WNT2B: variants seen among roughly 807,000 people sequenced by gnomAD.
WNT2B encodes the protein Wnt family member 2B, also known as protein Wnt-2b.
In WNT2B, 19 loss-of-function variants were observed where a neutral mutation model predicts 40.5. The ratio of observed to expected loss-of-function variants is 0.47; its 90% CI spans 0.33 to 0.69. The LOEUF (loss-of-function observed/expected upper bound fraction) is 0.69. Ranked by LOEUF, WNT2B falls within the 30% of genes least tolerant of loss-of-function variation. The pLI, the probability that WNT2B is intolerant of heterozygous loss-of-function variation, is 0.02. For synonymous variants in WNT2B, 220 were observed against 211.9 expected (o/e 1.04, Z -0.33); for missense variants, 467 against 556.4 (o/e 0.84, Z 1.62).
rs1264557939 is a variant in WNT2B at position 112,525,934 on chromosome 1, G to A, written c.*5425G>A. ...GTAATCCTCACAACAACCCTGTGAG[G>A]TAGGGGTTACTGTCACTTTACAGAT... On this transcript the variant is annotated 3_prime_UTR_variant, in exon 5 of 5. Coordinates refer to ENST00000369684, the MANE Select transcript of WNT2B (RefSeq NM_024494.3). 6.3e-7 allele frequency: 1 copy of A among 1,588,688 alleles called. No individual in the cohort carries two copies. Among genetic ancestry groups the A allele is most frequent in the African/African-American group, 1.3e-5 (1 of 74,386 alleles).
upstream of WNT2B, among the ~76,000 whole-genome samples, chr1:112,505,451 G>T (rs1362148610): frequency 6.6e-6 from 1 of 152,220 alleles, no homozygotes; most frequent in Non-Finnish European, 1.5e-5. Flanking sequence ...TCCATGCAGG[G>T]TTCTACAGAC....
At chr1:112,483,864 T>A (rs1651313746) in intron 1 of WNT2B, among the ~76,000 whole-genome samples, 1 of 146,594 alleles carries the variant, frequency 6.8e-6, no homozygotes, top group East Asian at 1.9e-4. Flanking sequence ...TGAATAGACA[T>A]TTCCCAAAAG....
intron 1 of WNT2B, among the ~76,000 whole-genome samples, chr1:112,468,240 T>C (rs150645251): frequency 1.3e-5 from 2 of 152,366 alleles, no homozygotes; most frequent in African/African-American, 2.4e-5. Flanking sequence ...ATCTTTGCTG[T>C]CATGAGTCGT....
chr1:112,492,415 T>G (rs1262016901), intron 1 of WNT2B, among the ~76,000 whole-genome samples: 1 of 152,120 alleles, frequency 6.6e-6, no homozygotes, highest in African/African-American at 2.4e-5. Context: ...GAGCTGTAAT[T>G]GATGAATTGC....
At chr1:112,477,676 G>A (rs10776751) in intron 1 of WNT2B, among the ~76,000 whole-genome samples, 17,085 of 152,074 alleles carry the variant, frequency 0.11, 1,585 homozygotes, top group East Asian at 0.46. Flanking sequence ...TCAAGAAAGA[G>A]ATAGAAATCA....
At chr1:112,508,680 G>T (rs1272008372), upstream of WNT2B, 1 of 981,452 alleles carries the variant, frequency 1.0e-6, no homozygotes, top group Non-Finnish European at 1.2e-6. The surrounding 1 kb of genome is among the most constrained non-coding windows in gnomAD (Gnocchi z 4.2). Context: ...AAGTGGGGCT[G>T]CTGAGTGAAG....
At chr1:112,479,718 T>C (rs947031548) in intron 1 of WNT2B, among the ~76,000 whole-genome samples, 1 of 152,064 alleles carries the variant, frequency 6.6e-6, no homozygotes, top group Non-Finnish European at 1.5e-5. Flanking sequence ...TTGTTGTTGT[T>C]GTTTTATTTT....
chr1:112,508,712 G>C (rs1365948043), upstream of WNT2B: 1 of 985,658 alleles, frequency 1.0e-6, no homozygotes, highest in Non-Finnish European at 1.2e-6. This position sits in a 1 kb window ranked among gnomAD's most constrained non-coding sequence, Gnocchi z 4.2. Context: ...CCGGTGGCGC[G>C]GTGTCGGCAG....
At chr1:112,493,686 A>C (rs1172668170) in intron 1 of WNT2B, among the ~76,000 whole-genome samples, 1 of 152,128 alleles carries the variant, frequency 6.6e-6, no homozygotes, top group East Asian at 1.9e-4. Flanking sequence ...GAAAAAGAAT[A>C]ACCAAGAACG....
rs1308480364 is a variant in WNT2B at position 112,521,007 on chromosome 1, A to T, written c.*498A>T. ...CCGAAAGAAAATCTTAGGCTACCAC[A>T]TTCTATTATTGAGAGCCTGAGATGT... On this transcript the variant is annotated 3_prime_UTR_variant, in exon 5 of 5. Coordinates refer to ENST00000369684, the MANE Select transcript of WNT2B (RefSeq NM_024494.3). 6.3e-6 allele frequency: 1 copy of T among 158,854 alleles called. No individual in the cohort carries two copies. The highest frequency in any genetic ancestry group is 1.4e-5 in the Non-Finnish European group (1 of 71,860). 9.8% of individuals were successfully genotyped at this position (158,854 alleles called of 1,614,324 possible).
intron 1 of WNT2B, among the ~76,000 whole-genome samples, chr1:112,493,443 C>T (rs968548697): frequency 6.6e-6 from 1 of 151,948 alleles, no homozygotes; most frequent in African/African-American, 2.4e-5. Flanking sequence ...CATAGTGAGA[C>T]CCTGCCTTTA....
chr1:112,509,350 C>G lies in WNT2B; in HGVS notation c.88C>G (p.Pro30Ala). ...GGTCCCTGTGCCGTCGCCCGCGGCC[C>G]CCGACGGCTCCCGGGCTTCGGCCCG... ...APVPVPSPAA[P>A]DGSRASARLG... Residue 30 changes from proline (P) to alanine (A), a missense_variant, in exon 1 of 5, where the codon CCC becomes GCC. This residue lies in a region of WNT2B where 137 missense variants were observed against 117.7 expected (regional missense o/e 1.16). Transcript: ENST00000369684. The surrounding 1 kb of genome is among the most constrained non-coding windows in gnomAD (Gnocchi z 4.2). The G allele has an allele frequency of 1.3e-6, 2 of 1,594,268 alleles. No individual in the cohort carries two copies. The highest frequency in any genetic ancestry group is 1.7e-6 in the Non-Finnish European group (2 of 1,176,802).
At chr1:112,517,987 G>A (rs1652648714) in intron 4 of WNT2B, 1 of 152,606 alleles carries the variant, frequency 6.6e-6, no homozygotes. Context: ...CCAATCTGCT[G>A]GGTAAAGGTT....
intron 1 of WNT2B, among the ~76,000 whole-genome samples, chr1:112,498,398 C>T (rs931338589): frequency 2.6e-5 from 4 of 151,910 alleles, no homozygotes; most frequent in Non-Finnish European, 5.9e-5. Flanking sequence ...GGATTACAGG[C>T]TAATTTTTGT....
chr1:112,515,379 A>G lies in WNT2B; in HGVS notation c.403+285A>G, dbSNP rs1344141913. Among the ~76,000 whole-genome samples, 5 of 152,126 alleles carry G rather than the reference A, an allele frequency of 3.3e-5. No individual in the cohort carries two copies. The highest frequency in any genetic ancestry group is 3.3e-4 in the Admixed American group (5 of 15,264). On this transcript the variant is annotated intron_variant, in intron 2 of 4. Transcript: ENST00000369684. This position sits in a 1 kb window ranked among gnomAD's most constrained non-coding sequence, Gnocchi z 4.4. The stretch of plus-strand genomic sequence containing the variant: ...ATTTTCCTTGTCCTCCCCAATCCCC[A>G]GCTTGGGAGGCTACCATGTACTGTA...
At chr1:112,518,980 A>T (rs141952823) in intron 4 of WNT2B, among the ~76,000 whole-genome samples, 24 of 152,294 alleles carry the variant, frequency 1.6e-4, no homozygotes, top group African/African-American at 5.8e-4. Context: ...TAAATTTTTT[A>T]GTTTAATTTT....
At chr1:112,508,926 G>A, upstream of WNT2B, 2 of 1,133,886 alleles carry the variant, frequency 1.8e-6, no homozygotes, top group East Asian at 5.1e-5. The surrounding 1 kb of genome is among the most constrained non-coding windows in gnomAD (Gnocchi z 4.2). Context: ...GCCCCGCCCC[G>A]TCCCGTCCAA....
At chr1:112,467,892 A>G (rs1265687096) in intron 1 of WNT2B, among the ~76,000 whole-genome samples, 1 of 152,218 alleles carries the variant, frequency 6.6e-6, no homozygotes, top group Non-Finnish European at 1.5e-5. Flanking sequence ...GCTATCAAAC[A>G]TTAGAACTTA....
chr1:112,519,541 G>C (rs1183511575), intron 4 of WNT2B, among the ~76,000 whole-genome samples: 2 of 152,118 alleles, frequency 1.3e-5, no homozygotes, highest in Non-Finnish European at 2.9e-5. Flanking sequence ...AAATCAGTCA[G>C]AATGAGGTTC....
Sources: allele counts gnomAD v4.1 joint callset (sites outside exome capture counted in the v4.1 genomes callset), GRCh38; gene constraint gnomAD v4.1.1; regional missense constraint gnomAD v4.1.1; non-coding constraint Gnocchi (gnomAD v3.1); transcripts MANE v1.5; gene names NCBI Gene and HGNC (gene_info 2026-07-23, HGNC 2026-07-21).